PJA2: variants seen among roughly 807,000 people sequenced by gnomAD.
PJA2 encodes E3 ubiquitin-protein ligase Praja-2.
In PJA2, 25 loss-of-function variants were observed where a neutral mutation model predicts 69.3. The observed-to-expected ratio is 0.36, with a 90% CI of 0.26 to 0.50. The LOEUF is 0.50. Ranked by LOEUF, PJA2 falls within the 20% of genes least tolerant of loss-of-function variation. The pLI, the probability that PJA2 is intolerant of heterozygous loss-of-function variation, is 0.96. For missense variants in PJA2, 809 were observed against 830.2 expected, an observed-to-expected ratio of 0.97 and a Z score of 0.31; for synonymous variants, 308 against 277.8, an observed-to-expected ratio of 1.11 and a Z score of -1.08.
chr5:109,368,594 T>G lies in PJA2; in HGVS notation c.1436A>C (p.Glu479Ala), dbSNP rs748213907. The G allele has an allele frequency of 6.2e-7, 1 of 1,613,898 alleles. No individual in the cohort carries two copies. The highest frequency in any genetic ancestry group is 8.5e-7 in the Non-Finnish European group (1 of 1,179,932). The stretch of plus-strand genomic sequence containing the variant: ...AAGAGATAATTCTTGGTTTTCTTCT[T>G]CAGGGCCACTGCTATCACTTTGTAG... ...PELQSDSSGP[E>A]EENQELSLQE... is the part of the protein sequence containing the mutation. The change falls in exon 5 of 10, where the codon GAA (glutamate) becomes GCA (alanine). Residue 479 changes from glutamate to alanine, a missense_variant. Glu to Ala is a moderately radical substitution (Grantham distance 107). This residue lies in a region of PJA2 where 700 missense variants were observed against 639.5 expected (regional missense o/e 1.09). Coordinates refer to ENST00000361189, the MANE Select transcript of PJA2 (RefSeq NM_014819.5).
Position 109,337,363 on chromosome 5 carries a change from A to T in PJA2, c.2002-7T>A. ...ACACAGGGCATGTTCCCGACTGGAG[A>T]AAAAAAAAATGTTAAGAGCCACCAG... On this transcript the variant is annotated splice_polypyrimidine_tract_variant and splice_region_variant and intron_variant, in intron 9 of 9. Transcript: ENST00000361189. 2 of 1,475,216 alleles carry T rather than the reference A, an allele frequency of 1.4e-6. No homozygotes were observed. The highest frequency in any genetic ancestry group is 2.6e-5 in the South Asian group (2 of 76,960). The allele number at this position is 1,475,216 out of a possible 1,614,324, so 91.4% of individuals were successfully genotyped here. A position where few individuals can be genotyped will look rare whatever the true frequency, so the allele number is the denominator to read the frequency against.
chr5:109,344,968 G>A, intron 7 of PJA2, 149 bp from the exon 8 acceptor site: 1 of 509,458 alleles, frequency 2.0e-6, no homozygotes, highest in South Asian at 3.3e-5. Context: ...TGCCTCTTCA[G>A]AAGGAACTAC....
At chr5:109,382,597 C>T (rs919632809) in intron 2 of PJA2, among the ~76,000 whole-genome samples, 12 of 152,244 alleles carry the variant, frequency 7.9e-5, no homozygotes, top group East Asian at 3.9e-4. Flanking sequence ...CCTGTAATCC[C>T]GGTACTTTGG....
intron 1 of PJA2, among the ~76,000 whole-genome samples, chr5:109,397,919 TAATATCCAG>T (rs919069617): frequency 6.6e-6 from 1 of 152,114 alleles, no homozygotes; most frequent in African/African-American, 2.4e-5. Context: ...GACAAAGGGC[TAATATCCAG>T]AATCTACAAA....
intron 9 of PJA2, among the ~76,000 whole-genome samples, chr5:109,338,399 G>C (rs1761983468): frequency 6.6e-6 from 1 of 152,020 alleles, no homozygotes; most frequent in Admixed American, 6.6e-5. Context: ...CAGCACTTTG[G>C]GAGTCCGAGG....
At chr5:109,401,049 T>G (rs1747534428) in intron 1 of PJA2, among the ~76,000 whole-genome samples, 2 of 152,094 alleles carry the variant, frequency 1.3e-5, no homozygotes, top group African/African-American at 4.8e-5. Flanking sequence ...CCCAGCACTT[T>G]GGGAGGCCAA....
chr5:109,403,832 G>T (rs189666134), intron 1 of PJA2, among the ~76,000 whole-genome samples: 1 of 152,028 alleles, frequency 6.6e-6, no homozygotes, highest in East Asian at 1.9e-4. Context: ...AACACTTTGG[G>T]GGGCCAAGGC....
At position 109,384,989 on chromosome 5, in the gene PJA2, G is replaced by A. The variant is rs555580254; in HGVS notation, c.-87-1469C>T. ...GTGCCACCATGCCCGGCTAATTTTT[G>A]TATTTTTAGTAGAGACAGGGTTTCA... On this transcript the variant is annotated intron_variant, in intron 1 of 9. Coordinates refer to ENST00000361189, the MANE Select transcript of PJA2 (RefSeq NM_014819.5). 3.9e-5 allele frequency among the ~76,000 whole-genome samples: 6 copies of A among 152,176 alleles called. No individual in the cohort carries two copies. The South Asian group carries it at 1.2e-3, about 32-fold the overall frequency.
chr5:109,388,472 GACA>G (rs1466771597), intron 1 of PJA2, among the ~76,000 whole-genome samples: 2 of 152,116 alleles, frequency 1.3e-5, no homozygotes, highest in African/African-American at 4.8e-5. Context: ...TCCACTGCAG[GACA>G]ACAAGTTACT....
In PJA2 at chr5:109,362,980, C is replaced by T; in HGVS notation, c.1512G>A (p.Gln504=). Residue 504 remains glutamine, a synonymous_variant, in exon 6 of 10, where the codon CAG becomes CAA. Transcript: ENST00000361189. The stretch of plus-strand genomic sequence containing the variant: ...TGCTGCTTTCATTGACTTCATTGTA[C>T]TGTAACCAAGGAATTTCTCCCTCTT... The part of the protein sequence containing the change: ...SLEEGEIPWL[Q]YNEVNESSSD... 1 of 1,608,644 alleles carries T rather than the reference C, an allele frequency of 6.2e-7. No homozygotes were observed. The highest frequency in any genetic ancestry group is 1.1e-5 in the South Asian group (1 of 90,454).
chr5:109,388,928 G>T, intron 1 of PJA2, among the ~76,000 whole-genome samples: 1 of 152,048 alleles, frequency 6.6e-6, no homozygotes, highest in East Asian at 1.9e-4. Context: ...TCACAACTGA[G>T]ATATAAATTA....
Position 109,356,047 on chromosome 5 carries a change from C to T in PJA2, c.1653-21G>A, listed in dbSNP as rs927225443. On this transcript the variant is annotated intron_variant, in intron 6 of 9. Coordinates refer to ENST00000361189, the MANE Select transcript of PJA2 (RefSeq NM_014819.5). ...ATAGGCTGAAAAAAAAAAAAAATAA[C>T]AGAAAAAACTCACCACTATGATTTG... 4.0e-6 allele frequency: 6 copies of T among 1,496,058 alleles called. No homozygotes were observed. The Admixed American group carries it at 8.7e-5, about 22-fold the overall frequency. The allele number at this position is 1,496,058 out of a possible 1,614,324, so 92.7% of individuals were successfully genotyped here. A position where few individuals can be genotyped will look rare whatever the true frequency, so the allele number is the denominator to read the frequency against.
chr5:109,351,043 C>G (rs1300718132), intron 7 of PJA2, among the ~76,000 whole-genome samples: 1 of 150,662 alleles, frequency 6.6e-6, no homozygotes, highest in Non-Finnish European at 1.5e-5. Context: ...CAGGGACAAT[C>G]TGAAGTACTG....
chr5:109,382,766 T>C (rs1366375247), intron 2 of PJA2, among the ~76,000 whole-genome samples: 2 of 151,848 alleles, frequency 1.3e-5, no homozygotes, highest in Admixed American at 1.3e-4. Context: ...GAGAATCACT[T>C]GAACCCAGGA....
chr5:109,378,356 A>G lies in PJA2; in HGVS notation c.1131T>C (p.Asp377=), dbSNP rs1193014395. 1.9e-6 allele frequency: 3 copies of G among 1,614,052 alleles called. No homozygotes were observed. Among genetic ancestry groups the G allele is most frequent in the Non-Finnish European group, 2.5e-6 (3 of 1,180,026 alleles). ...GTGTAATAACTCTTGAGTATGGTGG[A>G]TCCAAGAACATACAGTCATGCTCTC... is the stretch of plus-strand genomic sequence containing the variant. The part of the protein sequence containing the change: ...YDGEHDCMFL[D]PPYSRVITQR... Residue 377 remains aspartate (D), a synonymous_variant, in exon 4 of 10, where the codon GAT becomes GAC. Coordinates refer to ENST00000361189, the MANE Select transcript of PJA2 (RefSeq NM_014819.5).
intron 1 of PJA2, among the ~76,000 whole-genome samples, chr5:109,391,215 A>G (rs1014812954): frequency 4.6e-5 from 7 of 152,172 alleles, no homozygotes; most frequent in East Asian, 1.9e-4. Flanking sequence ...CATGGTTGTT[A>G]TCTTCATATA....
At chr5:109,398,053 G>A (rs1747458325) in intron 1 of PJA2, among the ~76,000 whole-genome samples, 1 of 152,270 alleles carries the variant, frequency 6.6e-6, no homozygotes, top group South Asian at 2.1e-4. Context: ...ATGAAAAAAT[G>A]CTCATCATCA....
chr5:109,358,967 T>A (rs1282713158), intron 6 of PJA2, among the ~76,000 whole-genome samples: 1 of 152,196 alleles, frequency 6.6e-6, no homozygotes, highest in Non-Finnish European at 1.5e-5. Flanking sequence ...GCCTACTGAC[T>A]ATAGCTGACC....
intron 7 of PJA2, among the ~76,000 whole-genome samples, chr5:109,354,473 A>G (rs1299871087): frequency 2.0e-4 from 19 of 96,774 alleles, no homozygotes; most frequent in East Asian, 1.7e-3. Flanking sequence ...ATCTAGAGAT[A>G]TCTATAGATT....
Sources: gnomAD v4.1 joint callset for allele counts (sites outside exome capture counted in the v4.1 genomes callset) on GRCh38, gnomAD v4.1.1 for gene constraint, gnomAD v4.1.1 regional missense constraint, MANE v1.5 for transcripts, NCBI Gene and HGNC (gene_info 2026-07-23, HGNC 2026-07-21) for gene names.